The following PPP4R1 variants were observed in gnomAD, a reference collection of about 807,000 sequenced individuals.
PPP4R1 encodes protein phosphatase 4 regulatory subunit 1, also known as serine/threonine-protein phosphatase 4 regulatory subunit 1.
Under a neutral mutation model 111.2 loss-of-function variants are expected in PPP4R1, and 42 were observed. The observed-to-expected ratio is 0.38, with a 90% CI of 0.29 to 0.49. PPP4R1 has a LOEUF of 0.49. Among genes scored for constraint, PPP4R1 ranks in the 20% least tolerant of loss-of-function variants. PPP4R1 has a pLI of 0.97. For synonymous variants in PPP4R1, 409 were observed against 405.5 expected (o/e 1.01, Z -0.10); for missense variants, 1,012 against 1,161.6 (o/e 0.87, Z 1.87).
chr18:9,579,842 G>C (rs2145169870), intron 9 of PPP4R1, among the ~76,000 whole-genome samples: 1 of 152,232 alleles, frequency 6.6e-6, no homozygotes, highest in East Asian at 1.9e-4. Flanking sequence ...ATGCCATTTT[G>C]TATCAGAGAC....
rs1357113390 is a variant in PPP4R1 at position 9,563,447 on chromosome 18, A to G, written c.1677T>C (p.Asp559=). The part of the protein sequence containing the change: ...EKRSDLQDEL[D]INELPNCKIN... ...TTTTACAATTTGGTAGCTCATTTATATCCAGTTCATCTTGCAAATCACTTC... is the reference window on the plus strand; with the variant it reads ...TTTTACAATTTGGTAGCTCATTTATGTCCAGTTCATCTTGCAAATCACTTC... Residue 559 remains aspartate (D), a synonymous_variant, in exon 12 of 20, where the codon GAT becomes GAC. Transcript: ENST00000400556. 2 of 1,610,886 alleles carry G rather than the reference A, an allele frequency of 1.2e-6. No homozygotes were observed. Among genetic ancestry groups the G allele is most frequent in the Admixed American group, 1.7e-5 (1 of 59,990 alleles).
Position 9,550,272 on chromosome 18 carries a change from A to C in PPP4R1, c.2412+6T>G. Reference sequence around the variant, plus strand: ...TGATCTAAAATTTTAAAAGTTCAATACATACCAACTTGTAGGAAATCCAAC... The same window carrying C: ...TGATCTAAAATTTTAAAAGTTCAATCCATACCAACTTGTAGGAAATCCAAC... On this transcript the variant is annotated splice_donor_region_variant and intron_variant, in intron 17 of 19. Coordinates refer to ENST00000400556, the MANE Select transcript of PPP4R1 (RefSeq NM_001042388.3). The C allele has an allele frequency of 1.2e-6, 2 of 1,613,964 alleles. No homozygotes were observed. Among genetic ancestry groups the C allele is most frequent in the Non-Finnish European group, 1.7e-6 (2 of 1,179,990 alleles).
chr18:9,576,437 T>A (rs1164704017), intron 10 of PPP4R1, among the ~76,000 whole-genome samples: 2 of 151,924 alleles, frequency 1.3e-5, no homozygotes, highest in Admixed American at 1.3e-4. Flanking sequence ...AATAGAAAAT[T>A]TTCAATGCAA....
rs1280413429 is a variant in PPP4R1 at position 9,559,582 on chromosome 18, A to G, written c.1865T>C (p.Leu622Ser). The G allele has an allele frequency of 6.2e-7, 1 of 1,604,300 alleles. No homozygotes were observed. Among genetic ancestry groups the G allele is most frequent in the African/African-American group, 1.3e-5 (1 of 74,782 alleles). ...GTCAGTCATAGATAAATACTGATCTAACAACGCCTGAGGTACAACATCCTA... is the reference window on the plus strand; with the variant it reads ...GTCAGTCATAGATAAATACTGATCTGACAACGCCTGAGGTACAACATCCTA... ...KVQDVVPQAL[L>S]DQYLSMTDPS... The change falls in exon 14 of 20, where the codon TTA (leucine) becomes TCA (serine). Residue 622 changes from leucine (L) to serine (S), a missense_variant. By Grantham distance (145) the Leu-to-Ser change is moderately radical. Around this residue, in one of 2 missense-constraint regions of PPP4R1, gnomAD observed 305 missense variants for 419.5 expected, o/e 0.73. Transcript: ENST00000400556.
At chr18:9,572,285 A>G (rs2066874675) in intron 10 of PPP4R1, among the ~76,000 whole-genome samples, 1 of 152,188 alleles carries the variant, frequency 6.6e-6, no homozygotes, top group South Asian at 2.1e-4. Flanking sequence ...GAATAACACA[A>G]CTGCATAGAA....
At chr18:9,601,430 T>C (rs2067381350) in intron 2 of PPP4R1, among the ~76,000 whole-genome samples, 1 of 151,906 alleles carries the variant, frequency 6.6e-6, no homozygotes, top group Non-Finnish European at 1.5e-5. Context: ...GGAGGCTGAA[T>C]CACAAGAATC....
chr18:9,588,203 A>G lies in PPP4R1; in HGVS notation c.471T>C (p.Ala157=), dbSNP rs367727283. The G allele has an allele frequency of 5.6e-6, 9 of 1,614,108 alleles. No individual in the cohort carries two copies. The highest frequency in any genetic ancestry group is 6.8e-6 in the Non-Finnish European group (8 of 1,179,986). The change falls in exon 6 of 20, where the codon GCT becomes GCC. Residue 157 remains alanine (A), a synonymous_variant. Transcript: ENST00000400556. ...GTTCAATGAGCTCCTGCTCCAACAG[A>G]GCCAGCAAAGCTGCCTGACTTGTTT... The part of the protein sequence containing the change: ...VRKTSQAALL[A]LLEQELIERF...
At chr18:9,553,496 C>A in intron 15 of PPP4R1, 74 bp from the exon 16 acceptor site, 2 of 949,598 alleles carry the variant, frequency 2.1e-6, no homozygotes, top group Non-Finnish European at 3.2e-6. Context: ...TGCTTAAAAA[C>A]AGACTGTAAG....
upstream of PPP4R1, among the ~76,000 whole-genome samples, chr18:9,616,019 TC>T (rs1169498278): frequency 6.6e-6 from 1 of 152,208 alleles, no homozygotes; most frequent in Non-Finnish European, 1.5e-5. Flanking sequence ...TGTCTAATTT[TC>T]TCAACTATAA....
intron 10 of PPP4R1, among the ~76,000 whole-genome samples, chr18:9,573,913 A>G (rs1052250143): frequency 2.0e-5 from 3 of 152,232 alleles, no homozygotes; most frequent in Admixed American, 2.0e-4. Context: ...TTAAAAGGAA[A>G]CTAGAAGACA....
intron 9 of PPP4R1, among the ~76,000 whole-genome samples, chr18:9,579,674 T>G (rs1387653807): frequency 2.0e-5 from 3 of 152,242 alleles, no homozygotes; most frequent in African/African-American, 7.2e-5. Flanking sequence ...ATGATGGTTG[T>G]GTCTGTATTG....
intron 11 of PPP4R1, among the ~76,000 whole-genome samples, chr18:9,564,733 T>TGGGGGG: frequency 9.3e-6 from 1 of 108,046 alleles, no homozygotes; most frequent in South Asian, 3.5e-4. Flanking sequence ...TGTGTGTGTG[T>TGGGGGG]GTGTGGGGGT....
chr18:9,584,927 A>G (rs904760769), intron 6 of PPP4R1, 99 bp from the exon 7 acceptor site: 1 of 943,266 alleles, frequency 1.1e-6, no homozygotes, highest in Non-Finnish European at 1.6e-6. Flanking sequence ...AACATAAAAT[A>G]TGATATGGCA....
intron 11 of PPP4R1, among the ~76,000 whole-genome samples, chr18:9,568,313 C>T (rs2066803891): frequency 6.6e-6 from 1 of 152,196 alleles, no homozygotes; most frequent in Non-Finnish European, 1.5e-5. Context: ...GTGCAAGCCA[C>T]TGCACCTGTG....
intron 11 of PPP4R1, among the ~76,000 whole-genome samples, chr18:9,569,893 G>A (rs1396295625): frequency 1.3e-5 from 2 of 151,980 alleles, no homozygotes; most frequent in Non-Finnish European, 2.9e-5. Context: ...AGGACTACAA[G>A]CATGTGCCAC....
Position 9,577,049 on chromosome 18 carries a change from G to T in PPP4R1, c.1046+15C>A. ...AACAAGGTTTTAAAATTAGAAAATG[G>T]TTTCAAAATTATACCTATTTTTGTT... On this transcript the variant is annotated intron_variant, in intron 10 of 19. Coordinates refer to ENST00000400556, the MANE Select transcript of PPP4R1 (RefSeq NM_001042388.3). 6.6e-7 allele frequency: 1 copy of T among 1,510,124 alleles called. No homozygotes were observed. The highest frequency in any genetic ancestry group is 1.2e-5 in the South Asian group (1 of 80,004). 93.5% of individuals were successfully genotyped at this position (1,510,124 alleles called of 1,614,324 possible).
At chr18:9,595,837 G>A (rs2067281616) in intron 2 of PPP4R1, among the ~76,000 whole-genome samples, 2 of 152,196 alleles carry the variant, frequency 1.3e-5, no homozygotes, top group South Asian at 4.2e-4. Flanking sequence ...TAACCAAAAG[G>A]TAATTATTTC....
intron 2 of PPP4R1, among the ~76,000 whole-genome samples, chr18:9,610,299 A>G: frequency 6.6e-6 from 1 of 152,362 alleles, no homozygotes; most frequent in Non-Finnish European, 1.5e-5. Context: ...AATTAAATAT[A>G]AAAAGTTAAA....
intron 11 of PPP4R1, among the ~76,000 whole-genome samples, chr18:9,565,408 C>CTGT (rs2066749651): frequency 6.6e-6 from 1 of 152,188 alleles, no homozygotes; most frequent in East Asian, 1.9e-4. Flanking sequence ...GGAAGAATAA[C>CTGT]ATGTCTCTCA....
Sources: allele counts gnomAD v4.1 joint callset (sites outside exome capture counted in the v4.1 genomes callset), GRCh38; gene constraint gnomAD v4.1.1; regional missense constraint gnomAD v4.1.1; transcripts MANE v1.5; gene names NCBI Gene and HGNC (gene_info 2026-07-23, HGNC 2026-07-21).